Variants in BBX observed in about 807,000 individuals in gnomAD.
BBX encodes HMG box transcription factor BBX.
A neutral mutation model predicts 100.2 loss-of-function variants in BBX; 30 were observed. The ratio of observed to expected loss-of-function variants is 0.30; its 90% CI spans 0.22 to 0.41. The LOEUF is 0.41. Among genes scored for constraint, BBX ranks in the 10% least tolerant of loss-of-function variants. The pLI, the probability that BBX is intolerant of heterozygous loss-of-function variation, is 1.00. For synonymous variants in BBX, 376 were observed against 388.1 expected (o/e 0.97, Z 0.37); for missense variants, 1,023 against 1,129.8 (o/e 0.91, Z 1.35).
chr3:107,637,285 A>T (rs1205396856), intron 2 of BBX, among the ~76,000 whole-genome samples: 1 of 152,178 alleles, frequency 6.6e-6, no homozygotes, highest in Admixed American at 6.5e-5. Context: ...GAAAGGAGAA[A>T]ATGTTTTAGA....
intron 2 of BBX, among the ~76,000 whole-genome samples, chr3:107,591,114 C>T (rs190183263): frequency 3.9e-5 from 6 of 152,298 alleles, no homozygotes; most frequent in Admixed American, 3.9e-4. Flanking sequence ...TCCCCCCAGT[C>T]TTAAGTATAG....
intron 3 of BBX, chr3:107,659,815 T>C: frequency 2.6e-6 from 3 of 1,146,166 alleles, no homozygotes; most frequent in Non-Finnish European, 3.5e-6. Flanking sequence ...TTAGTGAGAC[T>C]AGAAATGCTG....
intron 2 of BBX, among the ~76,000 whole-genome samples, chr3:107,614,070 G>A (rs990594550): frequency 5.4e-5 from 8 of 147,306 alleles, no homozygotes; most frequent in Non-Finnish European, 1.2e-4. Flanking sequence ...TCTTGCCTCA[G>A]CTTCCTGACT....
At position 107,778,461 on chromosome 3, in the gene BBX, C is replaced by A. The variant is rs767621994; in HGVS notation, c.2145C>A (p.Val715=). The change falls in exon 13 of 18, where the codon GTC becomes GTA. Residue 715 remains valine (V), a synonymous_variant. Coordinates refer to ENST00000325805, the MANE Select transcript of BBX (RefSeq NM_001142568.3). ...CATTTGACCGGAAATGTGTACCTGT[C>A]CCAAGAAAAAAGAAGAAGACTGGAA... ...PVTFDRKCVP[V]PRKKKKTGNV... 16 of 1,613,326 alleles carry A rather than the reference C, an allele frequency of 9.9e-6. No individual in the cohort carries two copies. Among genetic ancestry groups the A allele is most frequent in the Non-Finnish European group, 1.2e-5 (14 of 1,179,522 alleles).
chr3:107,792,730 G>A lies in BBX; in HGVS notation c.2353+1431G>A, dbSNP rs377094335. ...TCCTCAAATTGATACATTAGCTCTTGTATATTTTAAAAATATATTCCATAT... is the reference window on the plus strand; with the variant it reads ...TCCTCAAATTGATACATTAGCTCTTATATATTTTAAAAATATATTCCATAT... On this transcript the variant is annotated intron_variant, in intron 15 of 17. Coordinates refer to ENST00000325805, the MANE Select transcript of BBX (RefSeq NM_001142568.3). Among the ~76,000 whole-genome samples the A allele has an allele frequency of 5.9e-5, 9 of 152,128 alleles. 1 individual carries two copies. In the East Asian group the frequency reaches 9.7e-4, roughly 16 times the overall value.
chr3:107,532,663 A>G (rs1454933209), intron 2 of BBX, among the ~76,000 whole-genome samples: 1 of 152,238 alleles, frequency 6.6e-6, no homozygotes, highest in African/African-American at 2.4e-5. Flanking sequence ...AAAATACAGA[A>G]GACTACAGGT....
In BBX at chr3:107,580,393, T is replaced by C. The variant is rs571262714; in HGVS notation, c.-84+53995T>C. Among the ~76,000 whole-genome samples, 4 of 152,300 alleles carry C rather than the reference T, an allele frequency of 2.6e-5. No homozygotes were observed. The East Asian group carries it at 7.7e-4, about 29-fold the overall frequency. ...AAATTATTTTCACTATCCTCCAACA[T>C]TGTTATTCAGTATTATTATACAAGC... On this transcript the variant is annotated intron_variant, in intron 2 of 17. Transcript: ENST00000325805.
At chr3:107,733,194 A>T (rs1444688076) in intron 7 of BBX, among the ~76,000 whole-genome samples, 171 bp downstream of exon 7, 3 of 152,176 alleles carry the variant, frequency 2.0e-5, no homozygotes, top group African/African-American at 7.2e-5. Flanking sequence ...AGTGTAAAAA[A>T]AAAGTGGTGT....
At chr3:107,553,108 T>C (rs552424785) in intron 2 of BBX, among the ~76,000 whole-genome samples, 3 of 152,218 alleles carry the variant, frequency 2.0e-5, no homozygotes, top group Non-Finnish European at 4.4e-5. Context: ...AGTGAAAAAT[T>C]TGGCTTATTT....
intron 2 of BBX, among the ~76,000 whole-genome samples, chr3:107,631,378 G>C (rs543433147): frequency 6.6e-6 from 1 of 152,254 alleles, no homozygotes; most frequent in South Asian, 2.1e-4. Context: ...AGATACGTGC[G>C]GTGGGAGAAA....
chr3:107,607,638 C>T (rs1014913660), intron 2 of BBX, among the ~76,000 whole-genome samples: 1 of 152,120 alleles, frequency 6.6e-6, no homozygotes, highest in African/African-American at 2.4e-5. Flanking sequence ...ACCTCCCAAC[C>T]GTTCTCCATA....
intron 2 of BBX, among the ~76,000 whole-genome samples, chr3:107,604,366 C>T (rs1158838118): frequency 3.9e-5 from 6 of 152,104 alleles, no homozygotes; most frequent in Admixed American, 3.9e-4. Context: ...TTAGCTTTTC[C>T]AGCCTAAATA....
chr3:107,622,731 T>C (rs1485717659), intron 2 of BBX, among the ~76,000 whole-genome samples: 1 of 152,238 alleles, frequency 6.6e-6, no homozygotes, highest in African/African-American at 2.4e-5. Context: ...TTGATTGATT[T>C]TGAATTTTAT....
chr3:107,531,667 T>G (rs959523575), intron 2 of BBX, among the ~76,000 whole-genome samples: 3 of 152,016 alleles, frequency 2.0e-5, no homozygotes, highest in Non-Finnish European at 2.9e-5. Flanking sequence ...ACAAGTAATT[T>G]GTTAGGGAAG....
At chr3:107,566,282 G>A (rs554670412) in intron 2 of BBX, among the ~76,000 whole-genome samples, 3 of 145,530 alleles carry the variant, frequency 2.1e-5, no homozygotes, top group East Asian at 4.3e-4. Flanking sequence ...ATTTTCTGAT[G>A]TTAAACATCC....
At chr3:107,526,291 T>C (rs887054685) in intron 1 of BBX, 36 bp from the exon 2 acceptor site, 9 of 398,534 alleles carry the variant, frequency 2.3e-5, no homozygotes, top group African/African-American at 1.9e-4. Flanking sequence ...AAAGCCCTAC[T>C]ATACTGATGA....
At chr3:107,738,687 A>G (rs1317536376) in intron 7 of BBX, among the ~76,000 whole-genome samples, 1 of 152,030 alleles carries the variant, frequency 6.6e-6, no homozygotes. Context: ...TGACAATCCA[A>G]CCTTAGCTCT....
Position 107,698,323 on chromosome 3 carries a change from G to GT in BBX, c.-9-12121dup, listed in dbSNP as rs1196892769. Among the ~76,000 whole-genome samples, 555 of 150,898 alleles carry GT rather than the reference G, an allele frequency of 3.7e-3. 11 individuals carry two copies. The highest frequency in any genetic ancestry group is 0.013 in the African/African-American group (519 of 40,872). ...TAGATGAAATTTAATATATATATAT[G>GT]TTTTTTTTAAAAAAAATGTATGATT... is the stretch of plus-strand genomic sequence containing the variant. On this transcript the variant is annotated intron_variant, in intron 3 of 17. Coordinates refer to ENST00000325805, the MANE Select transcript of BBX (RefSeq NM_001142568.3).
At chr3:107,606,117 A>C (rs1302028120) in intron 2 of BBX, among the ~76,000 whole-genome samples, 2 of 152,238 alleles carry the variant, frequency 1.3e-5, no homozygotes, top group Non-Finnish European at 2.9e-5. Context: ...TAGTTAAAAA[A>C]AGAGGAGTTT....
Sources: allele counts gnomAD v4.1 joint callset (sites outside exome capture counted in the v4.1 genomes callset), GRCh38; gene constraint gnomAD v4.1.1; transcripts MANE v1.5; gene names NCBI Gene and HGNC (gene_info 2026-07-23, HGNC 2026-07-21).